The following NRXN3 variants were observed in gnomAD, a reference collection of about 807,000 sequenced individuals.
The protein encoded by NRXN3 is neurexin III.
A neutral mutation model predicts 137.6 loss-of-function variants in NRXN3; 32 were observed. The ratio of observed to expected loss-of-function variants is 0.23; its 90% CI spans 0.18 to 0.31. NRXN3 has a LOEUF of 0.31. NRXN3 is among the 10% of genes least tolerant of loss of function. The pLI is 1.00. For synonymous variants in NRXN3, 798 were observed against 784.5 expected, an observed-to-expected ratio of 1.02 and a Z score of -0.29; for missense variants, 1,574 against 2,062.5, an observed-to-expected ratio of 0.76 and a Z score of 4.59.
At chr14:79,764,717 TG>T (rs2099050390) in intron 19 of NRXN3, among the ~76,000 whole-genome samples, 1 of 152,224 alleles carries the variant, frequency 6.6e-6, no homozygotes, top group Admixed American at 6.5e-5. Flanking sequence ...GAAATCTGAC[TG>T]GCAGGCTGAT....
chr14:78,552,799 T>C (rs2096705373), intron 4 of NRXN3, among the ~76,000 whole-genome samples: 1 of 152,190 alleles, frequency 6.6e-6, no homozygotes, highest in Non-Finnish European at 1.5e-5. Context: ...ATCAGTAAGG[T>C]GACTATAGCC....
At chr14:79,670,706 T>C (rs1034657990) in intron 17 of NRXN3, among the ~76,000 whole-genome samples, 7 of 152,074 alleles carry the variant, frequency 4.6e-5, no homozygotes, top group Non-Finnish European at 8.8e-5. Flanking sequence ...ACCTATAAAA[T>C]GGGGATTGTG....
intron 15 of NRXN3, among the ~76,000 whole-genome samples, chr14:79,433,653 G>T (rs1307966308): frequency 6.6e-6 from 1 of 152,046 alleles, no homozygotes; most frequent in African/African-American, 2.4e-5. Context: ...TTAAATTTTG[G>T]TACCAGGAAG....
chr14:79,190,112 C>G (rs17108886), intron 15 of NRXN3, among the ~76,000 whole-genome samples: 5,427 of 152,236 alleles, frequency 0.036, 234 homozygotes, highest in East Asian at 0.21. Context: ...TTTTAGCCAG[C>G]AGTCCTTTAT....
intron 15 of NRXN3, among the ~76,000 whole-genome samples, chr14:79,011,439 A>C (rs1771250764): frequency 6.8e-6 from 1 of 146,294 alleles, no homozygotes; most frequent in Non-Finnish European, 1.5e-5. Context: ...GAAAAAAAAA[A>C]AAAAAAAACA....
chr14:79,640,832 T>G (rs948537971), intron 16 of NRXN3, among the ~76,000 whole-genome samples: 1 of 135,236 alleles, frequency 7.4e-6, no homozygotes, highest in Non-Finnish European at 1.7e-5. Flanking sequence ...TTCTAACCAC[T>G]AATTAACTAA....
intron 15 of NRXN3, among the ~76,000 whole-genome samples, chr14:79,139,975 G>A (rs532781191): frequency 6.7e-6 from 1 of 149,826 alleles, no homozygotes; most frequent in East Asian, 1.9e-4. Context: ...TGTATATAAT[G>A]TATATGTATA....
chr14:78,737,547 G>C (rs530413003), intron 8 of NRXN3, among the ~76,000 whole-genome samples: 1 of 152,268 alleles, frequency 6.6e-6, no homozygotes, highest in East Asian at 1.9e-4. Flanking sequence ...CACACAGACA[G>C]CTCTGCTGCC....
At chr14:79,241,288 A>T (rs1206290610) in intron 15 of NRXN3, among the ~76,000 whole-genome samples, 1 of 152,148 alleles carries the variant, frequency 6.6e-6, no homozygotes, top group East Asian at 1.9e-4. Context: ...AAAGAGAATC[A>T]TGGCCAAGGT....
chr14:78,953,853 T>G (rs2099391629), intron 10 of NRXN3, among the ~76,000 whole-genome samples: 1 of 152,184 alleles, frequency 6.6e-6, no homozygotes, highest in Admixed American at 6.5e-5. Context: ...GATCATAACT[T>G]TCCTAGTTAT....
chr14:79,457,369 CTA>C (rs2096271929), intron 15 of NRXN3, among the ~76,000 whole-genome samples: 1 of 152,132 alleles, frequency 6.6e-6, no homozygotes, highest in Non-Finnish European at 1.5e-5. Context: ...TTCTAGAACT[CTA>C]TATAGAGTGC....
intron 16 of NRXN3, among the ~76,000 whole-genome samples, chr14:79,569,170 T>C (rs1383587290): frequency 6.6e-6 from 1 of 152,080 alleles, no homozygotes; most frequent in Non-Finnish European, 1.5e-5. Flanking sequence ...TTTTCTTAAG[T>C]CTCACCCTGT....
chr14:79,199,696 G>T (rs1378596584), intron 15 of NRXN3, among the ~76,000 whole-genome samples: 2 of 152,226 alleles, frequency 1.3e-5, no homozygotes, highest in East Asian at 3.9e-4. Flanking sequence ...TCAAAGGAAA[G>T]TTGGCCTGGT....
At chr14:78,485,027 C>T (rs975988800) in intron 4 of NRXN3, among the ~76,000 whole-genome samples, 1 of 152,136 alleles carries the variant, frequency 6.6e-6, no homozygotes, top group Admixed American at 6.6e-5. Flanking sequence ...TCTTCCCTTG[C>T]CTCATCCTTG....
chr14:78,913,945 G>T lies in NRXN3; in HGVS notation c.2276-43297G>T, dbSNP rs184325535. ...CTATTTATGTATTGGCTCCCTGGCA[G>T]CCCTAAAGACTCTGCCTGGACTGAC... On this transcript the variant is annotated intron_variant, in intron 10 of 20. Transcript: ENST00000335750. Among the ~76,000 whole-genome samples, 332 of 152,232 alleles carry T rather than the reference G, an allele frequency of 2.2e-3. 3 individuals carry two copies. Among genetic ancestry groups the T allele is most frequent in the Non-Finnish European group, 1.5e-3 (100 of 68,020 alleles).
chr14:78,610,426 A>G (rs2097290981), intron 4 of NRXN3, among the ~76,000 whole-genome samples: 1 of 152,230 alleles, frequency 6.6e-6, no homozygotes, highest in Non-Finnish European at 1.5e-5. Context: ...CCTTTTGGGC[A>G]AAGAATCAGG....
chr14:79,515,173 A>G lies in NRXN3; in HGVS notation c.3444+47771A>G, dbSNP rs2096970752. Among the ~76,000 whole-genome samples, 6 of 150,698 alleles carry G rather than the reference A, an allele frequency of 4.0e-5. No individual in the cohort carries two copies. The South Asian group carries it at 1.2e-3, about 31-fold the overall frequency. On this transcript the variant is annotated intron_variant, in intron 16 of 20. Coordinates refer to ENST00000335750, the MANE Select transcript of NRXN3 (RefSeq NM_001330195.2). ...GCTAAGTTTAGCATGCAGGATGTTTATTAAGGTGTGCCTTTGAGATCAATA... is the reference window on the plus strand; with the variant it reads ...GCTAAGTTTAGCATGCAGGATGTTTGTTAAGGTGTGCCTTTGAGATCAATA...
chr14:79,832,716 T>C (rs1452922437), intron 20 of NRXN3, among the ~76,000 whole-genome samples: 1 of 152,072 alleles, frequency 6.6e-6, no homozygotes, highest in East Asian at 1.9e-4. Context: ...TATCCCATTA[T>C]CACAGGATTC....
rs1279719167 is a variant in NRXN3 at position 79,861,503 on chromosome 14, G to A, written c.4255G>A (p.Gly1419Arg). The A allele has an allele frequency of 6.5e-7, 1 of 1,540,044 alleles. No homozygotes were observed. Residue 1419 changes from glycine to arginine, a missense_variant, in exon 21 of 21, where the codon GGG (glycine) becomes AGG (arginine). Gly to Arg is a moderately radical substitution (Grantham distance 125, BLOSUM62 -2). Around this residue, in one of 5 missense-constraint regions of NRXN3, gnomAD observed 320 missense variants for 387.1 expected, o/e 0.83. Transcript: ENST00000335750. The surrounding 1 kb of genome is among the most constrained non-coding windows in gnomAD (Gnocchi z 5.4). Reference sequence around the variant, plus strand: ...CCGCTTCACAGCTTCCTCCTCGTCTGGGATGGTGCCCAAATTGCCAGCTGG... The same window carrying A: ...CCGCTTCACAGCTTCCTCCTCGTCTAGGATGGTGCCCAAATTGCCAGCTGG... ...LIRFTASSSS[G>R]MVPKLPAGKM...
Sources: gnomAD v4.1 joint callset for allele counts (sites outside exome capture counted in the v4.1 genomes callset) on GRCh38, gnomAD v4.1.1 for gene constraint, gnomAD v4.1.1 regional missense constraint, Gnocchi (gnomAD v3.1) non-coding constraint, MANE v1.5 for transcripts, NCBI Gene and HGNC (gene_info 2026-07-23, HGNC 2026-07-21) for gene names.